Variants in TBC1D8 observed in about 807,000 individuals in gnomAD.
The protein encoded by TBC1D8 is BUB2-like protein 1.
A neutral mutation model predicts 118.8 loss-of-function variants in TBC1D8; 65 were observed. The observed-to-expected ratio is 0.55, with a 90% CI of 0.45 to 0.67. TBC1D8 has a LOEUF of 0.67. Ranked by LOEUF, TBC1D8 falls within the 30% of genes least tolerant of loss-of-function variation. The probability of loss-of-function intolerance (pLI) is 0.00; values close to 1 mark genes in which losing one functional copy is unlikely to be tolerated. For missense variants in TBC1D8, 1,376 were observed against 1,471.2 expected (o/e 0.94, Z 1.06); for synonymous variants, 566 against 595.8 (o/e 0.95, Z 0.73).
chr2:101,015,481 T>C (rs1679559134), intron 17 of TBC1D8, among the ~76,000 whole-genome samples: 1 of 152,234 alleles, frequency 6.6e-6, no homozygotes, highest in African/African-American at 2.4e-5. Flanking sequence ...TTATAAACTT[T>C]TTGACTCTTT....
In TBC1D8 at chr2:101,101,413, C is replaced by T. The variant is rs539709110; in HGVS notation, c.128-11049G>A. Among the ~76,000 whole-genome samples the T allele has an allele frequency of 1.6e-3, 247 of 152,176 alleles. 2 individuals carry two copies. Among genetic ancestry groups the T allele is most frequent in the African/African-American group, 5.5e-3 (227 of 41,532 alleles). The stretch of plus-strand genomic sequence containing the variant: ...CAGGAAACAATAGATGCTGGCGAGG[C>T]TGTGGAGAAATAGGAATGCTTTTAC... On this transcript the variant is annotated intron_variant, in intron 1 of 19. Coordinates refer to ENST00000409318, the MANE Select transcript of TBC1D8 (RefSeq NM_001330348.2).
At chr2:101,027,834 CACGGGGGAA>C (rs1680425825) in intron 14 of TBC1D8, among the ~76,000 whole-genome samples, 1 of 152,240 alleles carries the variant, frequency 6.6e-6, no homozygotes, top group South Asian at 2.1e-4. Context: ...CCCCATTTTA[CACGGGGGAA>C]ACAGGCTCAC....
intron 1 of TBC1D8, among the ~76,000 whole-genome samples, chr2:101,118,230 T>C (rs1201878057): frequency 6.6e-6 from 1 of 152,102 alleles, no homozygotes; most frequent in South Asian, 2.1e-4. Flanking sequence ...CAGTACTTTT[T>C]TTTTCATTTG....
intron 17 of TBC1D8, chr2:101,018,213 ACAT>A (rs1679797639): frequency 3.4e-6 from 1 of 291,896 alleles, no homozygotes. Flanking sequence ...CACTGACTAA[ACAT>A]CACTAATGAA....
At position 101,036,105 on chromosome 2, in the gene TBC1D8, A is replaced by G; in HGVS notation, c.1516T>C (p.Cys506Arg). Residue 506 changes from cysteine (C) to arginine (R), a missense_variant, in exon 9 of 20, where the codon TGT becomes CGT. Cys to Arg is a radical substitution (Grantham distance 180). Transcript: ENST00000409318. Reference protein sequence around the residue: ...DHFVEYGRTVCMFRTEKIRKL... With the variant: ...DHFVEYGRTVRMFRTEKIRKL... ...CGAATCTTCTCTGTGCGAAACATAC[A>G]CACGGTTCTGCCGTATTCCACAAAG... 1 of 1,613,920 alleles carries G rather than the reference A, an allele frequency of 6.2e-7. No homozygotes were observed. The highest frequency in any genetic ancestry group is 8.5e-7 in the Non-Finnish European group (1 of 1,179,888).
At chr2:101,117,544 A>G (rs940589430) in intron 1 of TBC1D8, among the ~76,000 whole-genome samples, 2 of 149,094 alleles carry the variant, frequency 1.3e-5, no homozygotes, top group African/African-American at 2.5e-5. Flanking sequence ...TTCAAGGCCT[A>G]TGACAGTTGG....
rs1355254529 is a variant in TBC1D8 at position 101,008,081 on chromosome 2, G to A, written c.3208C>T (p.Pro1070Ser). The change falls in exon 20 of 20, where the codon CCT becomes TCT. Residue 1070 changes from proline (P) to serine (S), a missense_variant. Physicochemically the swap from Pro to Ser is moderately conservative, Grantham distance 74. Transcript: ENST00000409318. ...GTGTCTGCAAAAACCGAGTCCTCAG[G>A]AGAAGGAGCTGAAGCCCGCAGCTCC... is the stretch of plus-strand genomic sequence containing the variant. ...GEELRASAPS[P>S]EDSVFADTGK... is the part of the protein sequence containing the mutation. 2.5e-6 allele frequency: 4 copies of A among 1,613,838 alleles called. No individual in the cohort carries two copies. Among genetic ancestry groups the A allele is most frequent in the Middle Eastern group, 1.6e-4 (1 of 6,082 alleles).
intron 1 of TBC1D8, among the ~76,000 whole-genome samples, chr2:101,132,009 G>A (rs1476817924): frequency 1.3e-5 from 2 of 152,094 alleles, no homozygotes; most frequent in African/African-American, 4.8e-5. Flanking sequence ...GTAGACGGGT[G>A]CTTCCAGATT....
chr2:101,106,038 T>TA (rs201148565), intron 1 of TBC1D8, among the ~76,000 whole-genome samples: 1,911 of 146,050 alleles, frequency 0.013, 34 homozygotes, highest in African/African-American at 0.04. Context: ...TTCTGTGATT[T>TA]AAAAAAAAAA....
rs376154899 is a variant in TBC1D8 at position 101,130,477 on chromosome 2, G to A, written c.127+20650C>T. Reference sequence around the variant, plus strand: ...CCAGTGCTTTTGATCCTGTCACAGAGCTTGCAGATGACACAGCCAACACAG... The same window carrying A: ...CCAGTGCTTTTGATCCTGTCACAGAACTTGCAGATGACACAGCCAACACAG... On this transcript the variant is annotated intron_variant, in intron 1 of 19. Coordinates refer to ENST00000409318, the MANE Select transcript of TBC1D8 (RefSeq NM_001330348.2). Among the ~76,000 whole-genome samples the A allele has an allele frequency of 1.2e-4, 18 of 152,338 alleles. No homozygotes were observed. In the East Asian group the frequency reaches 2.1e-3, roughly 18 times the overall value.
At chr2:101,035,498 C>T (rs1680952210) in intron 9 of TBC1D8, among the ~76,000 whole-genome samples, 1 of 152,146 alleles carries the variant, frequency 6.6e-6, no homozygotes, top group Admixed American at 6.5e-5. Flanking sequence ...AGAGGCCATC[C>T]CTGAATGGGT....
chr2:101,024,402 A>ATTTTTTT, intron 15 of TBC1D8, among the ~76,000 whole-genome samples: 1 of 121,158 alleles, frequency 8.3e-6, no homozygotes, highest in Non-Finnish European at 1.7e-5. Context: ...TGGGACTGTA[A>ATTTTTTT]TTTTTTTTTT....
chr2:101,104,075 T>A (rs985988224), intron 1 of TBC1D8, among the ~76,000 whole-genome samples: 5 of 152,086 alleles, frequency 3.3e-5, no homozygotes, highest in Non-Finnish European at 5.9e-5. Flanking sequence ...CTGGAACAAC[T>A]GGAATTTGAA....
At chr2:101,120,974 C>T (rs1409733716) in intron 1 of TBC1D8, among the ~76,000 whole-genome samples, 5 of 152,130 alleles carry the variant, frequency 3.3e-5, no homozygotes, top group African/African-American at 9.7e-5. Context: ...GGTATCTTTA[C>T]GTTCATTTTT....
At chr2:101,111,902 C>T (rs1263696101) in intron 1 of TBC1D8, among the ~76,000 whole-genome samples, 1 of 125,896 alleles carries the variant, frequency 7.9e-6, no homozygotes, top group East Asian at 2.2e-4. Context: ...ATGTTGTGTA[C>T]TTGACCATAG....
intron 1 of TBC1D8, among the ~76,000 whole-genome samples, chr2:101,095,680 G>A (rs941728740): frequency 3.3e-5 from 5 of 152,088 alleles, no homozygotes; most frequent in Non-Finnish European, 7.4e-5. Context: ...GTGGAAGTCA[G>A]TGTGGTGATT....
chr2:101,125,111 A>G (rs972125125), intron 1 of TBC1D8, among the ~76,000 whole-genome samples: 2 of 152,182 alleles, frequency 1.3e-5, no homozygotes, highest in South Asian at 2.1e-4. Context: ...TCATCCAAAC[A>G]ATCAAGCAGC....
intron 2 of TBC1D8, among the ~76,000 whole-genome samples, chr2:101,074,156 C>T (rs1328938967): frequency 6.6e-6 from 1 of 152,112 alleles, no homozygotes; most frequent in African/African-American, 2.4e-5. Context: ...GCACTAGAGG[C>T]CATTGTAGAG....
intron 3 of TBC1D8, among the ~76,000 whole-genome samples, chr2:101,057,815 C>A (rs1054854140): frequency 6.6e-6 from 1 of 152,150 alleles, no homozygotes; most frequent in African/African-American, 2.4e-5. Context: ...CAGAGCAAGA[C>A]CCTGTCTCAA....
Sources: allele counts gnomAD v4.1 joint callset (sites outside exome capture counted in the v4.1 genomes callset), GRCh38; gene constraint gnomAD v4.1.1; transcripts MANE v1.5; gene names NCBI Gene and HGNC (gene_info 2026-07-23, HGNC 2026-07-21).